Variants in HYCC1 observed in about 807,000 individuals in gnomAD.
HYCC1 encodes hyccin PI4KA lipid kinase complex subunit 1.
the HYCC1 span, among the ~76,000 whole-genome samples, chr7:22,951,917 A>C: frequency 6.6e-6 from 1 of 152,016 alleles, no homozygotes. Context: ...AATTCTTTAA[A>C]TACTGGAATT....
chr7:23,011,715 A>T, the HYCC1 span, among the ~76,000 whole-genome samples: 1 of 152,148 alleles, frequency 6.6e-6, no homozygotes, highest in African/African-American at 2.4e-5. Flanking sequence ...TGACTTTGTC[A>T]ACTGCCAATG....
chr7:22,943,869 T>A, the HYCC1 span: 3 of 152,638 alleles, frequency 2.0e-5, no homozygotes, highest in Non-Finnish European at 2.9e-5. Context: ...TATTCCATTC[T>A]GTTACTGGAG....
At chr7:22,896,431 G>C in the HYCC1 span, among the ~76,000 whole-genome samples, 3 of 152,170 alleles carry the variant, frequency 2.0e-5, no homozygotes, top group Non-Finnish European at 4.4e-5. Context: ...AGGGTACACA[G>C]TTCTGCAGTT....
chr7:22,993,710 A>G, the HYCC1 span, among the ~76,000 whole-genome samples: 2 of 151,870 alleles, frequency 1.3e-5, no homozygotes, highest in East Asian at 1.9e-4. Context: ...ACACACATAC[A>G]CACACACACG....
At chr7:22,985,203 C>G in the HYCC1 span, among the ~76,000 whole-genome samples, 1 of 152,094 alleles carries the variant, frequency 6.6e-6, no homozygotes, top group Non-Finnish European at 1.5e-5. Flanking sequence ...TGTCTCATAT[C>G]CTAGTATTTC....
chr7:22,940,030 T>C, the HYCC1 span: 1 of 152,206 alleles, frequency 6.6e-6, no homozygotes, highest in Admixed American at 6.5e-5. Context: ...TGTGGACTAC[T>C]GGAGTTACTG....
chr7:23,000,181 C>G, the HYCC1 span, among the ~76,000 whole-genome samples: 1 of 152,064 alleles, frequency 6.6e-6, no homozygotes, highest in African/African-American at 2.4e-5. Context: ...CTGCTGCTAT[C>G]CCACTCTTCA....
At chr7:22,988,172 T>C in the HYCC1 span, among the ~76,000 whole-genome samples, 1 of 152,192 alleles carries the variant, frequency 6.6e-6, no homozygotes, top group Non-Finnish European at 1.5e-5. Context: ...TTATCAGGAA[T>C]GCCTACCAAA....
the HYCC1 span, among the ~76,000 whole-genome samples, chr7:22,962,901 A>C: frequency 6.6e-6 from 1 of 152,088 alleles, no homozygotes; most frequent in Admixed American, 6.6e-5. Context: ...GAAGGCTGAA[A>C]GCTGAGGACG....
the HYCC1 span, among the ~76,000 whole-genome samples, chr7:22,930,540 A>G: frequency 1.2e-4 from 18 of 152,194 alleles, no homozygotes; most frequent in South Asian, 6.2e-4. Context: ...GAATTCTGCC[A>G]AACATTTAAA....
chr7:22,951,555 G>T, the HYCC1 span, among the ~76,000 whole-genome samples: 2 of 137,070 alleles, frequency 1.5e-5, no homozygotes, highest in Non-Finnish European at 3.2e-5. Flanking sequence ...ATGAGATGTA[G>T]ATATTTTAAA....
the HYCC1 span, among the ~76,000 whole-genome samples, chr7:22,921,259 A>T: frequency 6.6e-6 from 1 of 152,212 alleles, no homozygotes; most frequent in Non-Finnish European, 1.5e-5. Flanking sequence ...CCTAAAACAT[A>T]TAGAAATGAA....
the HYCC1 span, among the ~76,000 whole-genome samples, chr7:23,008,281 AG>A: frequency 1.3e-5 from 2 of 152,180 alleles, no homozygotes; most frequent in South Asian, 2.1e-4. Context: ...AATAATTTTA[AG>A]AGTTCCATTC....
chr7:22,957,464 C>A, the HYCC1 span, among the ~76,000 whole-genome samples: 2 of 151,612 alleles, frequency 1.3e-5, no homozygotes, highest in Admixed American at 6.6e-5. Flanking sequence ...AAGAGAAGAG[C>A]TCCAACAGAA....
chr7:22,946,598 A>G, the HYCC1 span, among the ~76,000 whole-genome samples: 2 of 152,100 alleles, frequency 1.3e-5, no homozygotes, highest in Non-Finnish European at 2.9e-5. Context: ...GTTGTACTCT[A>G]TATTGTAGAT....
At chr7:22,919,400 G>T in the HYCC1 span, among the ~76,000 whole-genome samples, 2 of 152,020 alleles carry the variant, frequency 1.3e-5, no homozygotes, top group Non-Finnish European at 2.9e-5. Flanking sequence ...GTGGTGGCAC[G>T]TGCCTGTAAT....
the HYCC1 span, among the ~76,000 whole-genome samples, chr7:22,995,181 T>C: frequency 6.6e-6 from 1 of 152,096 alleles, no homozygotes; most frequent in African/African-American, 2.4e-5. Context: ...AAGATCATTC[T>C]CTTCCTCCTT....
chr7:22,901,914 T>C, the HYCC1 span, among the ~76,000 whole-genome samples: 2 of 152,170 alleles, frequency 1.3e-5, no homozygotes, highest in African/African-American at 4.8e-5. Context: ...AATAATACTA[T>C]AAAATATCTT....
the HYCC1 span, chr7:22,940,092 G>A: frequency 6.6e-6 from 1 of 151,834 alleles, no homozygotes; most frequent in African/African-American, 2.4e-5. Context: ...TCACCACTCT[G>A]GTTCTCTACA....
Sources: gnomAD v4.1 joint callset for allele counts (sites outside exome capture counted in the v4.1 genomes callset) on GRCh38, gnomAD v4.1.1 for gene constraint, MANE v1.5 for transcripts, NCBI Gene and HGNC (gene_info 2026-07-23, HGNC 2026-07-21) for gene names.